Variants in REXO1 observed in about 807,000 individuals in gnomAD.
REXO1 encodes the protein RNA exonuclease 1 homolog.
A neutral mutation model predicts 102.6 loss-of-function variants in REXO1; 42 were observed. The observed-to-expected ratio is 0.41, with a 90% CI of 0.32 to 0.53. The LOEUF (loss-of-function observed/expected upper bound fraction) is 0.53. REXO1 is among the 20% of genes least tolerant of loss of function. The probability of loss-of-function intolerance (pLI) is 0.27; values close to 1 mark genes in which losing one functional copy is unlikely to be tolerated. For missense variants in REXO1, 1,819 were observed against 1,732.5 expected (o/e 1.05, Z -0.89); for synonymous variants, 908 against 779.1 (o/e 1.17, Z -2.76).
At chr19:1,825,719 AC>A (rs2069695438) in intron 3 of REXO1, 119 bp downstream of exon 3, 1 of 657,730 alleles carries the variant, frequency 1.5e-6, no homozygotes, top group Non-Finnish European at 2.6e-6. Flanking sequence ...CAGGTGATCC[AC>A]CCGCCTTGGC....
Position 1,815,355 on chromosome 19 carries a change from G to A in REXO1, c.*711C>T, listed in dbSNP as rs2069330284. 6.4e-6 allele frequency: 1 copy of A among 157,384 alleles called. No individual in the cohort carries two copies. Among genetic ancestry groups the A allele is most frequent in the Non-Finnish European group, 1.4e-5 (1 of 71,258 alleles). 9.7% of individuals were successfully genotyped at this position (157,384 alleles called of 1,614,324 possible). On this transcript the variant is annotated 3_prime_UTR_variant, in exon 16 of 16. Coordinates refer to ENST00000170168, the MANE Select transcript of REXO1 (RefSeq NM_020695.4). The surrounding 1 kb of genome is among the most constrained non-coding windows in gnomAD (Gnocchi z 4.0). ...GGCTCTAGCGGGAAGACAGTGTCCG[G>A]AGGCCGGTGGGCTCCCTCTAGACGG...
intron 12 of REXO1, 92 bp from the exon 13 acceptor site, chr19:1,816,905 G>C: frequency 3.1e-6 from 3 of 961,950 alleles, no homozygotes; most frequent in Non-Finnish European, 4.8e-6. Flanking sequence ...AGCCCCTCCA[G>C]GCAGAGGCAG....
chr19:1,839,660 T>C (rs2011204907), intron 1 of REXO1, among the ~76,000 whole-genome samples: 1 of 152,238 alleles, frequency 6.6e-6, no homozygotes, highest in Admixed American at 6.5e-5. Context: ...GTTCTCTGAA[T>C]ACCTGCCCAG....
chr19:1,843,122 GC>G (rs888856765), intron 1 of REXO1, among the ~76,000 whole-genome samples: 12 of 152,226 alleles, frequency 7.9e-5, no homozygotes, highest in African/African-American at 2.9e-4. Flanking sequence ...CGAGGCCAGG[GC>G]AAAGCTTCAA....
At chr19:1,828,703 T>C (rs2145287928) in intron 1 of REXO1, 72 bp from the exon 2 acceptor site, 1 of 1,477,204 alleles carries the variant, frequency 6.8e-7, no homozygotes, top group African/African-American at 1.4e-5. Context: ...GCGGCCCCGG[T>C]CTCAAACTGC....
chr19:1,820,696 T>G (rs1171202319), intron 5 of REXO1, among the ~76,000 whole-genome samples: 1 of 152,136 alleles, frequency 6.6e-6, no homozygotes, highest in Non-Finnish European at 1.5e-5. Context: ...AGTCTATTAA[T>G]TAAAAACAAA....
At position 1,827,153 on chromosome 19, in the gene REXO1, G is replaced by T. The variant is rs1215512633; in HGVS notation, c.1636C>A (p.Leu546Ile). ...PSVWPSALPS[L>I]SSDSDSDSDS... ...GAGTCGGAGTCTGAGTCCGAGCTGAGGCTGGGGAGGGCAGAGGGCCACACG... is the reference window on the plus strand; with the variant it reads ...GAGTCGGAGTCTGAGTCCGAGCTGATGCTGGGGAGGGCAGAGGGCCACACG... The change falls in exon 2 of 16, where the codon CTC (leucine) becomes ATC (isoleucine). Residue 546 changes from leucine (L) to isoleucine (I), a missense_variant. Transcript: ENST00000170168. 6.5e-7 allele frequency: 1 copy of T among 1,541,996 alleles called. No individual in the cohort carries two copies. Among genetic ancestry groups the T allele is most frequent in the Admixed American group, 2.0e-5 (1 of 50,936 alleles).
In REXO1 at chr19:1,827,024, A is replaced by T. The variant is rs1237443964; in HGVS notation, c.1765T>A (p.Ser589Thr). The change falls in exon 2 of 16, where the codon TCC becomes ACC. Residue 589 changes from serine to threonine, a missense_variant. Physicochemically the swap from Ser to Thr is moderately conservative, Grantham distance 58 (BLOSUM62 1). Coordinates refer to ENST00000170168, the MANE Select transcript of REXO1 (RefSeq NM_020695.4). ...APSSSSSSSS[S>T]TSSAGADVDY... ...ACATCCGCCCCCGCGCTGGAGGTGG[A>T]GGAGGAGGAGGAGGAGGAGGAGGAT... 3 of 563,458 alleles carry T rather than the reference A, an allele frequency of 5.3e-6. No homozygotes were observed. Among genetic ancestry groups the T allele is most frequent in the Admixed American group, 4.3e-5 (1 of 23,504 alleles). 34.9% of individuals were successfully genotyped at this position (563,458 alleles called of 1,614,324 possible).
intron 1 of REXO1, among the ~76,000 whole-genome samples, chr19:1,835,348 G>C (rs1405689644): frequency 6.6e-6 from 1 of 152,042 alleles, no homozygotes; most frequent in African/African-American, 2.4e-5. Context: ...TTCGAAACCA[G>C]CCTGGCCAAC....
At chr19:1,833,917 T>G (rs1389363427) in intron 1 of REXO1, among the ~76,000 whole-genome samples, 1 of 151,344 alleles carries the variant, frequency 6.6e-6, no homozygotes, top group African/African-American at 2.5e-5. Context: ...TGGTCTCCCC[T>G]CCCAAGGCTC....
In REXO1 at chr19:1,826,980, C is replaced by T; in HGVS notation, c.1809G>A (p.Glu603=). Residue 603 remains glutamate, a synonymous_variant, in exon 2 of 16, where the codon GAG becomes GAA. Coordinates refer to ENST00000170168, the MANE Select transcript of REXO1 (RefSeq NM_020695.4). This position sits in a 1 kb window ranked among gnomAD's most constrained non-coding sequence, Gnocchi z 4.3. The part of the protein sequence containing the change: ...AGADVDYSAL[E]KEVDFDSDPM... ...GGTCGGAGTCAAAGTCCACCTCCTT[C>T]TCCAGGGCCGAGTAGTCCACATCCG... 1 of 1,564,894 alleles carries T rather than the reference C, an allele frequency of 6.4e-7. No individual in the cohort carries two copies. Among genetic ancestry groups the T allele is most frequent in the Non-Finnish European group, 8.7e-7 (1 of 1,155,708 alleles).
rs761505824 is a variant in REXO1 at position 1,828,214 on chromosome 19, C to T, written c.575G>A (p.Gly192Asp). 2 of 1,607,174 alleles carry T rather than the reference C, an allele frequency of 1.2e-6. No individual in the cohort carries two copies. Among genetic ancestry groups the T allele is most frequent in the African/African-American group, 1.3e-5 (1 of 74,732 alleles). ...TTCCAGGGCACCGCCACCCCCTCCA[C>T]CTCTGCCCTGACCCCTGTCCAGGGA... is the stretch of plus-strand genomic sequence containing the variant. ...LASLDRGQGR[G>D]GGGGGALEYV... The change falls in exon 2 of 16, where the codon GGT (glycine) becomes GAT (aspartate). Residue 192 changes from glycine to aspartate, a missense_variant. By Grantham distance (94) the Gly-to-Asp change is moderately conservative (BLOSUM62 -1). Coordinates refer to ENST00000170168, the MANE Select transcript of REXO1 (RefSeq NM_020695.4).
In REXO1 at chr19:1,816,499, G is replaced by A. The variant is rs775270266; in HGVS notation, c.3388C>T (p.Leu1130=). The A allele has an allele frequency of 1.2e-6, 2 of 1,612,580 alleles. No homozygotes were observed. Among genetic ancestry groups the A allele is most frequent in the South Asian group, 2.2e-5 (2 of 91,084 alleles). ...ATGGTGTCAGCGCTGAACATGCTCA[G>A]CAGAACGGCCTGGACGTCACGCAGC... ...VTLRDVQAVL[L]SMFSADTILI... Residue 1130 remains leucine, a synonymous_variant, in exon 14 of 16, where the codon CTG becomes TTG. Transcript: ENST00000170168.
At chr19:1,821,231 G>C (rs1051981033) in intron 5 of REXO1, among the ~76,000 whole-genome samples, 1 of 152,022 alleles carries the variant, frequency 6.6e-6, no homozygotes, top group South Asian at 2.1e-4. Context: ...TGTAGTCCCA[G>C]CTACTCAGGA....
Position 1,827,518 on chromosome 19 carries a change from CG to C in REXO1, c.1270del (p.Arg424GlyfsTer69). On this transcript the variant is annotated frameshift_variant, in exon 2 of 16. Coordinates refer to ENST00000170168, the MANE Select transcript of REXO1 (RefSeq NM_020695.4). LOFTEE classifies it high-confidence loss of function. ...CCCTTCCGGCCGCTCTGCCTTGCGC[CG>C]GGGGCTGCTGGCCTGCGGGCCCTTC... Reference protein sequence around the residue: ...DKKGPQASSPRRKAERPEGTK... With the variant: ...DKKGPQASSPXRKAERPEGTK... 5.1e-6 allele frequency: 8 copies of C among 1,582,978 alleles called. No individual in the cohort carries two copies. Among genetic ancestry groups the C allele is most frequent in the Admixed American group, 2.0e-5 (1 of 49,824 alleles).
rs1287512655 is a variant in REXO1, at chr19:1,826,995, G to T, written c.1794C>A (p.Asp598Glu). 1 of 1,546,416 alleles carries T rather than the reference G, an allele frequency of 6.5e-7. No homozygotes were observed. The highest frequency in any genetic ancestry group is 8.7e-7 in the Non-Finnish European group (1 of 1,146,542). The part of the protein sequence containing the change: ...SSTSSAGADV[D>E]YSALEKEVDF... ...CCACCTCCTTCTCCAGGGCCGAGTA[G>T]TCCACATCCGCCCCCGCGCTGGAGG... Residue 598 changes from aspartate (D) to glutamate (E), a missense_variant, in exon 2 of 16, where the codon GAC becomes GAA. Physicochemically the swap from Asp to Glu is conservative, Grantham distance 45. Coordinates refer to ENST00000170168, the MANE Select transcript of REXO1 (RefSeq NM_020695.4). This position sits in a 1 kb window ranked among gnomAD's most constrained non-coding sequence, Gnocchi z 4.3.
At chr19:1,825,724 C>T (rs1568692522) in intron 3 of REXO1, 115 bp downstream of exon 3, 3 of 702,244 alleles carry the variant, frequency 4.3e-6, no homozygotes, top group African/African-American at 1.8e-5. Context: ...GATCCACCCG[C>T]CTTGGCCTCC....
intron 12 of REXO1, 116 bp downstream of exon 12, chr19:1,817,102 AG>A: frequency 7.9e-7 from 1 of 1,271,760 alleles, no homozygotes; most frequent in South Asian, 1.4e-5. Flanking sequence ...CGGTGCTGCG[AG>A]AGAAACCCTG....
intron 3 of REXO1, among the ~76,000 whole-genome samples, chr19:1,824,794 T>TATC (rs1568691191): frequency 6.6e-6 from 1 of 151,320 alleles, no homozygotes; most frequent in Non-Finnish European, 1.5e-5. Flanking sequence ...TTTTATGTAT[T>TATC]TATCTTTTTG....
Sources: allele counts gnomAD v4.1 joint callset (sites outside exome capture counted in the v4.1 genomes callset), GRCh38; gene constraint gnomAD v4.1.1; non-coding constraint Gnocchi (gnomAD v3.1); transcripts MANE v1.5; gene names NCBI Gene and HGNC (gene_info 2026-07-23, HGNC 2026-07-21).